The following MED13L variants were observed in gnomAD, a reference collection of about 807,000 sequenced individuals.
MED13L encodes the protein mediator complex subunit 13L.
A neutral mutation model predicts 220.9 loss-of-function variants in MED13L; 7 were observed. The observed-to-expected ratio is 0.03, with a 90% CI of 0.02 to 0.06. MED13L has a LOEUF of 0.06. Ranked by LOEUF, MED13L falls within the 10% of genes least tolerant of loss-of-function variation. The pLI, the probability that MED13L is intolerant of heterozygous loss-of-function variation, is 1.00. For missense variants in MED13L, 1,965 were observed against 2,760.5 expected, an observed-to-expected ratio of 0.71 and a Z score of 6.46; for synonymous variants, 1,011 against 1,015.2, an observed-to-expected ratio of 1.00 and a Z score of 0.08.
intron 2 of MED13L, among the ~76,000 whole-genome samples, chr12:116,234,374 C>A (rs1038906456): frequency 1.3e-5 from 2 of 151,882 alleles, no homozygotes; most frequent in African/African-American, 4.8e-5. Flanking sequence ...ATTACAGGCA[C>A]CCACCACCAT....
chr12:116,103,888 C>T (rs181404602), intron 3 of MED13L, among the ~76,000 whole-genome samples: 2 of 151,846 alleles, frequency 1.3e-5, no homozygotes, highest in East Asian at 1.9e-4. Context: ...TTATACCCAA[C>T]GACTGTCAAT....
chr12:116,253,836 T>C (rs1380726515), intron 1 of MED13L, among the ~76,000 whole-genome samples: 1 of 145,098 alleles, frequency 6.9e-6, no homozygotes, highest in Non-Finnish European at 1.5e-5. Context: ...ACCTGCTTGC[T>C]GCAACCTTTG....
chr12:116,018,038 C>A (rs1210823321), intron 7 of MED13L, among the ~76,000 whole-genome samples: 2 of 151,818 alleles, frequency 1.3e-5, no homozygotes, highest in Non-Finnish European at 1.5e-5. Flanking sequence ...TACCTCCAGA[C>A]AATGTGTGCT....
intron 4 of MED13L, among the ~76,000 whole-genome samples, chr12:116,072,233 T>G (rs1468987825): frequency 6.6e-6 from 1 of 152,204 alleles, no homozygotes. Flanking sequence ...ATAAAACAGC[T>G]TGAATCTCAG....
At position 115,975,276 on chromosome 12, in the gene MED13L, G is replaced by C. The variant is rs1227515681; in HGVS notation, c.5626C>G (p.Leu1876Val). ...RSKVSARKIG[L>V]QKLWEWCIGI... ...ATGCACCACTCCCATAACTTCTGTA[G>C]TCCAATTTTACGTGCAGATACTTTA... The change falls in exon 25 of 31, where the codon CTA becomes GTA. Residue 1876 changes from leucine to valine, a missense_variant. By Grantham distance (32) the Leu-to-Val change is conservative. This residue lies in a region of MED13L where 510 missense variants were observed against 620.4 expected (regional missense o/e 0.82). Transcript: ENST00000281928. The C allele has an allele frequency of 1.9e-6, 3 of 1,614,070 alleles. No homozygotes were observed. Among genetic ancestry groups the C allele is most frequent in the South Asian group, 1.1e-5 (1 of 91,088 alleles).
intron 2 of MED13L, among the ~76,000 whole-genome samples, chr12:116,113,073 T>C (rs1049301290): frequency 2.6e-5 from 4 of 152,206 alleles, no homozygotes; most frequent in Non-Finnish European, 5.9e-5. Context: ...TCCATTATTA[T>C]GCATACATAA....
At chr12:116,227,785 AAAGG>A (rs1869150219) in intron 2 of MED13L, among the ~76,000 whole-genome samples, 1 of 152,316 alleles carries the variant, frequency 6.6e-6, no homozygotes, top group African/African-American at 2.4e-5. Flanking sequence ...GTTCAAGTGA[AAAGG>A]AAGAACTGCC....
At chr12:116,263,372 T>C (rs979787261) in intron 1 of MED13L, among the ~76,000 whole-genome samples, 1 of 152,266 alleles carries the variant, frequency 6.6e-6, no homozygotes, top group South Asian at 2.1e-4. Flanking sequence ...TATTTCTGAA[T>C]TGAAAAACAG....
chr12:116,100,067 T>C (rs1310042706), intron 3 of MED13L, among the ~76,000 whole-genome samples: 1 of 152,144 alleles, frequency 6.6e-6, no homozygotes, highest in Non-Finnish European at 1.5e-5. Flanking sequence ...CATGAAGTAG[T>C]GTTTTTACTC....
intron 2 of MED13L, among the ~76,000 whole-genome samples, chr12:116,189,239 T>G (rs1347271158): frequency 6.8e-6 from 1 of 146,792 alleles, no homozygotes; most frequent in East Asian, 2.0e-4. Context: ...ACTGTAGTTT[T>G]AAATGGCAAT....
At chr12:115,974,149 C>A (rs1320016156) in intron 25 of MED13L, among the ~76,000 whole-genome samples, 1 of 152,172 alleles carries the variant, frequency 6.6e-6, no homozygotes, top group Non-Finnish European at 1.5e-5. Flanking sequence ...TAAAACACAG[C>A]CATCCACACT....
At chr12:116,236,802 A>G in intron 2 of MED13L, 1 of 966,422 alleles carries the variant, frequency 1.0e-6, no homozygotes. Flanking sequence ...AAAGCAGCAC[A>G]GAAAAATGAA....
chr12:116,215,257 T>C (rs1370360980), intron 2 of MED13L, among the ~76,000 whole-genome samples: 3 of 152,228 alleles, frequency 2.0e-5, no homozygotes, highest in Non-Finnish European at 4.4e-5. Flanking sequence ...TAAGTGAACA[T>C]TCTTTGTTTC....
chr12:116,130,101 C>G (rs1430953693), intron 2 of MED13L, among the ~76,000 whole-genome samples: 1 of 152,094 alleles, frequency 6.6e-6, no homozygotes, highest in East Asian at 1.9e-4. Context: ...AGGAAACCAA[C>G]AGGTTTCTTA....
chr12:116,042,499 A>C (rs1881593277), intron 4 of MED13L, among the ~76,000 whole-genome samples: 1 of 152,252 alleles, frequency 6.6e-6, no homozygotes, highest in African/African-American at 2.4e-5. Flanking sequence ...TATAAGGGAA[A>C]GATGAGATGT....
chr12:116,222,798 A>T (rs977607083), intron 2 of MED13L, among the ~76,000 whole-genome samples: 4 of 152,204 alleles, frequency 2.6e-5, no homozygotes, highest in African/African-American at 9.6e-5. Flanking sequence ...TTGCTATCTT[A>T]AATATTTAGA....
chr12:115,982,932 T>A (rs145893765), intron 21 of MED13L, among the ~76,000 whole-genome samples, 185 bp downstream of exon 21: 238 of 152,334 alleles, frequency 1.6e-3, no homozygotes, highest in African/African-American at 5.6e-3. Flanking sequence ...CATAATAATT[T>A]ATAAGAAGTC....
At chr12:115,972,569 A>G (rs375306173) in intron 25 of MED13L, 1 of 348,100 alleles carries the variant, frequency 2.9e-6, no homozygotes, top group South Asian at 2.5e-5. Flanking sequence ...TAGCTGCCCT[A>G]TCCTTTCTCC....
intron 2 of MED13L, among the ~76,000 whole-genome samples, chr12:116,221,866 AT>A (rs1483795438): frequency 6.6e-6 from 1 of 152,200 alleles, no homozygotes; most frequent in Non-Finnish European, 1.5e-5. Flanking sequence ...ATGAAAAATT[AT>A]TTTTTATTCA....
Sources: gnomAD v4.1 joint callset for allele counts (sites outside exome capture counted in the v4.1 genomes callset) on GRCh38, gnomAD v4.1.1 for gene constraint, gnomAD v4.1.1 regional missense constraint, MANE v1.5 for transcripts, NCBI Gene and HGNC (gene_info 2026-07-23, HGNC 2026-07-21) for gene names.